FOXP2: variants seen among roughly 807,000 people sequenced by gnomAD.
The protein encoded by FOXP2 is forkhead box P2, also known as forkhead box protein P2.
A neutral mutation model predicts 115.8 loss-of-function variants in FOXP2; 12 were observed. The observed-to-expected ratio is 0.10, with a 90% CI of 0.07 to 0.17. FOXP2 has a LOEUF of 0.17. FOXP2 is among the 10% of genes least tolerant of loss of function. The probability of loss-of-function intolerance (pLI) is 1.00; values close to 1 mark genes in which losing one functional copy is unlikely to be tolerated. For synonymous variants in FOXP2, 328 were observed against 297.7 expected (o/e 1.10, Z -1.05); for missense variants, 629 against 843.5 (o/e 0.75, Z 3.15).
intron 1 of FOXP2, among the ~76,000 whole-genome samples, chr7:114,201,063 G>T (rs1200725050): frequency 1.3e-5 from 2 of 152,128 alleles, no homozygotes; most frequent in Non-Finnish European, 2.9e-5. Context: ...GGCTGAGGCA[G>T]GAGAATCTCT....
At chr7:114,443,314 A>G (rs1454479331) in intron 2 of FOXP2, among the ~76,000 whole-genome samples, 1 of 152,214 alleles carries the variant, frequency 6.6e-6, no homozygotes, top group African/African-American at 2.4e-5. Context: ...AAAGAATACA[A>G]AAAAGGCACA....
intron 3 of FOXP2, among the ~76,000 whole-genome samples, chr7:114,562,440 C>G (rs1800799566): frequency 6.6e-6 from 1 of 152,182 alleles, no homozygotes; most frequent in Non-Finnish European, 1.5e-5. Context: ...CCTTCTACTT[C>G]AGAGAAAAAA....
chr7:114,102,485 G>A (rs763600656), intron 1 of FOXP2, among the ~76,000 whole-genome samples: 9 of 151,694 alleles, frequency 5.9e-5, no homozygotes, highest in African/African-American at 2.2e-4. Context: ...ATGAATGACT[G>A]TGCCTGTGTT....
At chr7:114,394,003 TGTGAGA>T (rs201047239) in intron 2 of FOXP2, among the ~76,000 whole-genome samples, 21,738 of 58,634 alleles carry the variant, frequency 0.37, 1,598 homozygotes, top group Middle Eastern at 0.49. Context: ...TGTGTGTGTG[TGTGAGA>T]GAGAGAGAGA....
intron 1 of FOXP2, among the ~76,000 whole-genome samples, chr7:114,169,366 G>C (rs1793074967): frequency 6.6e-6 from 1 of 152,216 alleles, no homozygotes; most frequent in South Asian, 2.1e-4. Context: ...ACCTGGATGT[G>C]AGACCTGGAG....
At chr7:114,449,001 G>C (rs1006333259) in intron 2 of FOXP2, among the ~76,000 whole-genome samples, 1 of 151,968 alleles carries the variant, frequency 6.6e-6, no homozygotes, top group African/African-American at 2.4e-5. Context: ...CATTTTAATA[G>C]TAGTAGTATG....
intron 1 of FOXP2, among the ~76,000 whole-genome samples, chr7:114,228,440 G>A (rs1183496089): frequency 1.3e-5 from 2 of 151,962 alleles, no homozygotes; most frequent in Non-Finnish European, 2.9e-5. Flanking sequence ...TTTAATAGTG[G>A]TGCCTTTACT....
At chr7:114,688,926 A>G (rs1189165619) in intron 16 of FOXP2, among the ~76,000 whole-genome samples, 1 of 152,142 alleles carries the variant, frequency 6.6e-6, no homozygotes, top group Admixed American at 6.6e-5. Context: ...TGCGGTTTCT[A>G]TTAACAAGAT....
chr7:114,642,354 T>A lies in FOXP2; in HGVS notation c.776-56T>A. The A allele has an allele frequency of 5.2e-6, 7 of 1,353,738 alleles. No individual in the cohort carries two copies. In the South Asian group the frequency reaches 8.4e-5, roughly 16 times the overall value. The allele number at this position is 1,353,738 out of a possible 1,614,324, so 83.9% of individuals were successfully genotyped here. On this transcript the variant is annotated intron_variant, in intron 6 of 16. Coordinates refer to ENST00000350908, the MANE Select transcript of FOXP2 (RefSeq NM_014491.4). Reference sequence around the variant, plus strand: ...AATCTATTAATAACACAAAGCTCATTATATAAACTTTACCTTTACCTTGTT... The same window carrying A: ...AATCTATTAATAACACAAAGCTCATAATATAAACTTTACCTTTACCTTGTT...
At chr7:114,304,669 C>CAAAAAAAAAAA (rs71157580) in intron 2 of FOXP2, among the ~76,000 whole-genome samples, 1 of 65,116 alleles carries the variant, frequency 1.5e-5, no homozygotes, top group Non-Finnish European at 2.7e-5. Flanking sequence ...GACTCTGTCT[C>CAAAAAAAAAAA]AAAAAAAAAA....
chr7:114,224,408 C>T (rs781450527), intron 1 of FOXP2, among the ~76,000 whole-genome samples: 4 of 152,060 alleles, frequency 2.6e-5, no homozygotes, highest in Non-Finnish European at 4.4e-5. Flanking sequence ...TATTCCTCTC[C>T]GTTATTAATA....
At chr7:114,353,054 G>A (rs1028930977) in intron 2 of FOXP2, among the ~76,000 whole-genome samples, 1 of 152,054 alleles carries the variant, frequency 6.6e-6, no homozygotes, top group African/African-American at 2.4e-5. Flanking sequence ...AATGGGATAG[G>A]TTTTCTTCAT....
intron 2 of FOXP2, among the ~76,000 whole-genome samples, chr7:114,445,125 C>T (rs575814330): frequency 1.3e-5 from 2 of 151,886 alleles, no homozygotes; most frequent in East Asian, 1.9e-4. Flanking sequence ...CTTCATACCT[C>T]GTACATTTCT....
At chr7:114,127,474 A>G (rs1791747018) in intron 1 of FOXP2, among the ~76,000 whole-genome samples, 1 of 152,184 alleles carries the variant, frequency 6.6e-6, no homozygotes, top group Non-Finnish European at 1.5e-5. Context: ...TTCTATTACG[A>G]TAGATAAAAG....
At position 114,693,108 on chromosome 7, in the gene FOXP2, T is replaced by G. The variant is rs1303809070; in HGVS notation, c.*3182T>G. On this transcript the variant is annotated 3_prime_UTR_variant, in exon 17 of 17. Coordinates refer to ENST00000350908, the MANE Select transcript of FOXP2 (RefSeq NM_014491.4). The stretch of plus-strand genomic sequence containing the variant: ...AACCTAGTGGGCTTAAGGCTTATAT[T>G]CTATGTGGTTGGATTCGTGGCACAG... 1.1e-5 allele frequency: 5 copies of G among 453,942 alleles called. No homozygotes were observed. In the East Asian group the frequency reaches 3.5e-4, roughly 32 times the overall value. 28.1% of individuals were successfully genotyped at this position (453,942 alleles called of 1,614,324 possible).
intron 2 of FOXP2, among the ~76,000 whole-genome samples, chr7:114,373,167 G>T (rs888542026): frequency 8.6e-5 from 13 of 151,830 alleles, no homozygotes; most frequent in Admixed American, 5.2e-4. Context: ...TAATTTTTTT[G>T]TTTGTTTGTT....
intron 3 of FOXP2, among the ~76,000 whole-genome samples, chr7:114,573,593 C>A (rs935444617): frequency 1.3e-5 from 2 of 151,608 alleles, no homozygotes; most frequent in Non-Finnish European, 2.9e-5. Flanking sequence ...CTACATAATG[C>A]CTATCAAAGT....
At chr7:114,320,438 T>G (rs1290828826) in intron 2 of FOXP2, among the ~76,000 whole-genome samples, 1 of 152,062 alleles carries the variant, frequency 6.6e-6, no homozygotes, top group Non-Finnish European at 1.5e-5. Flanking sequence ...TCAAGTTACT[T>G]AATTACGTGT....
At chr7:114,469,504 T>C (rs1584774180) in intron 2 of FOXP2, among the ~76,000 whole-genome samples, 1 of 152,292 alleles carries the variant, frequency 6.6e-6, no homozygotes, top group Middle Eastern at 3.4e-3. Context: ...AAAACCACAA[T>C]AAAAAGTTTA....
Sources: gnomAD v4.1 joint callset for allele counts (sites outside exome capture counted in the v4.1 genomes callset) on GRCh38, gnomAD v4.1.1 for gene constraint, MANE v1.5 for transcripts, NCBI Gene and HGNC (gene_info 2026-07-23, HGNC 2026-07-21) for gene names.